Variants in AHNAK observed in about 807,000 individuals in gnomAD.
AHNAK encodes the protein AHNAK nucleoprotein.
AHNAK carries 23 observed loss-of-function variants against 37.8 expected under a neutral mutation model. That is an observed-to-expected ratio of 0.61 (90% CI 0.44 to 0.86). The LOEUF (loss-of-function observed/expected upper bound fraction) is 0.86, where lower values mean the gene tolerates loss of function less well. Among genes scored for constraint, AHNAK ranks in the 40% least tolerant of loss-of-function variants. The pLI, the probability that AHNAK is intolerant of heterozygous loss-of-function variation, is 0.00. For synonymous variants in AHNAK, 2,481 were observed against 2,636.3 expected (o/e 0.94, Z 1.80); for missense variants, 7,411 against 7,319.4 (o/e 1.01, Z -0.46).
intron 1 of AHNAK, among the ~76,000 whole-genome samples, chr11:62,544,706 G>T (rs934822020): frequency 2.0e-5 from 3 of 152,268 alleles, no homozygotes; most frequent in East Asian, 3.9e-4. Flanking sequence ...CTAAGGACTG[G>T]AGAAGGAAGC....
At chr11:62,541,763 A>G (rs1941131669) in intron 1 of AHNAK, 1 of 152,216 alleles carries the variant, frequency 6.6e-6, no homozygotes, top group Admixed American at 6.5e-5. Flanking sequence ...GGCCCAAGAG[A>G]TAAGATGACT....
Position 62,521,663 on chromosome 11 carries a change from T to A in AHNAK, c.12754A>T (p.Ile4252Phe). The A allele has an allele frequency of 6.2e-7, 1 of 1,613,976 alleles. No homozygotes were observed. ...GGCATGGAGATCTTGGGGGCTTTGA[T>A]GTTCATCTCAGGCATCTTGAATTTA... Reference protein sequence around the residue: ...GPKFKMPEMNIKAPKISMPDF... With the variant: ...GPKFKMPEMNFKAPKISMPDF... Residue 4252 changes from isoleucine to phenylalanine, a missense_variant, in exon 5 of 5, where the codon ATC becomes TTC. Ile to Phe is a conservative substitution (Grantham distance 21). Coordinates refer to ENST00000378024, the MANE Select transcript of AHNAK (RefSeq NM_001620.3).
intron 5 of AHNAK, among the ~76,000 whole-genome samples, chr11:62,479,037 G>C (rs753597495): frequency 6.6e-6 from 1 of 151,928 alleles, no homozygotes; most frequent in Non-Finnish European, 1.5e-5. Context: ...CACTGCGCTC[G>C]GCTAATTTCT....
At chr11:62,509,942 T>C (rs1939879007) in intron 4 of AHNAK, among the ~76,000 whole-genome samples, 1 of 152,008 alleles carries the variant, frequency 6.6e-6, no homozygotes, top group African/African-American at 2.4e-5. Flanking sequence ...AAGACATTAC[T>C]GTAAAGACAG....
chr11:62,440,849 CA>C (rs962048503), intron 5 of AHNAK, among the ~76,000 whole-genome samples: 1 of 152,156 alleles, frequency 6.6e-6, no homozygotes, highest in African/African-American at 2.4e-5. Context: ...ATGTGCCAGA[CA>C]CTATTTCTAA....
At position 62,531,056 on chromosome 11, in the gene AHNAK, C is replaced by A; in HGVS notation, c.3361G>T (p.Asp1121Tyr). 1.9e-6 allele frequency: 3 copies of A among 1,613,602 alleles called. No individual in the cohort carries two copies. The highest frequency in any genetic ancestry group is 2.5e-6 in the Non-Finnish European group (3 of 1,179,888). The change falls in exon 5 of 5, where the codon GAC becomes TAC. Residue 1121 changes from aspartate (D) to tyrosine (Y), a missense_variant. Transcript: ENST00000378024. ...KAPDVEGQGL[D>Y]WSLKIPKMKM... ...ATCTTGGGTATTTTCAGGCTCCAGTCCAGGCCTTGGCCTTCCACATCTGGT... is the reference window on the plus strand; with the variant it reads ...ATCTTGGGTATTTTCAGGCTCCAGTACAGGCCTTGGCCTTCCACATCTGGT...
At chr11:62,504,214 GAGAA>G (rs1449200791) in intron 4 of AHNAK, among the ~76,000 whole-genome samples, 3 of 151,764 alleles carry the variant, frequency 2.0e-5, no homozygotes, top group Non-Finnish European at 1.5e-5. Flanking sequence ...AAGAGAGAGA[GAGAA>G]AGAAAGAGAG....
rs1939687299 is a variant in AHNAK, at chr11:62,500,215, C to G, written c.343-8384G>C. 2.0e-5 allele frequency among the ~76,000 whole-genome samples: 3 copies of G among 152,200 alleles called. No homozygotes were observed. The South Asian group carries it at 6.2e-4, about 31-fold the overall frequency. Reference sequence around the variant, plus strand: ...TGTATTCCAGATCAATCTGCACTCACAAAACGAGGACCGTAGTAAACGCAA... The same window carrying G: ...TGTATTCCAGATCAATCTGCACTCAGAAAACGAGGACCGTAGTAAACGCAA... On this transcript the variant is annotated intron_variant, in intron 4 of 5. Transcript: ENST00000257247.
Position 62,532,910 on chromosome 11 carries a change from G to T in AHNAK, c.1507C>A (p.Gln503Lys). ...GACCCAAGGCTCAGATCCACATCCT[G>T]CATGGAGATTTTAGGTTTCTGAATA... ...MIIQKPKISM[Q>K]DVDLSLGSPK... is the part of the protein sequence containing the mutation. Residue 503 changes from glutamine (Q) to lysine (K), a missense_variant, in exon 5 of 5, where the codon CAG (glutamine) becomes AAG (lysine). Gln to Lys is a moderately conservative substitution (Grantham distance 53). Transcript: ENST00000378024. 1 of 1,614,012 alleles carries T rather than the reference G, an allele frequency of 6.2e-7. No individual in the cohort carries two copies. Among genetic ancestry groups the T allele is most frequent in the East Asian group, 2.2e-5 (1 of 44,886 alleles).
intron 4 of AHNAK, among the ~76,000 whole-genome samples, chr11:62,510,755 C>T (rs1939894369): frequency 6.7e-6 from 1 of 149,730 alleles, no homozygotes; most frequent in Non-Finnish European, 1.5e-5. Context: ...AACAAACAAA[C>T]AAAAAAACCA....
rs767063005 is a variant in AHNAK at position 62,523,871 on chromosome 11, CTGGGCCCTCAATGTTCATACT to C, written c.10525_10545del (p.Ser3509_Pro3515del). 9.3e-6 allele frequency: 15 copies of C among 1,614,000 alleles called. No individual in the cohort carries two copies. The African/African-American group carries it at 2.0e-4, about 22-fold the overall frequency. Reference sequence around the variant, plus strand: ...CCCTCCGGACCTTCCACATTGAGATCTGGGCCCTCAATGTTCATACTTGGGCCCTCTATGTTGATGTCTCCT... The same window carrying C: ...CCCTCCGGACCTTCCACATTGAGATCTGGGCCCTCTATGTTGATGTCTCCT... On this transcript the variant is annotated inframe_deletion, in exon 5 of 5. Coordinates refer to ENST00000378024, the MANE Select transcript of AHNAK (RefSeq NM_001620.3).
rs1191196970 is a variant in AHNAK at position 62,523,577 on chromosome 11, C to T, written c.10840G>A (p.Gly3614Ser). 6.2e-7 allele frequency: 1 copy of T among 1,613,980 alleles called. No homozygotes were observed. Among genetic ancestry groups the T allele is most frequent in the African/African-American group, 1.3e-5 (1 of 74,878 alleles). Residue 3614 changes from glycine to serine, a missense_variant, in exon 5 of 5, where the codon GGC becomes AGC. Transcript: ENST00000378024. ...KVKMPKFSMP[G>S]FKGEGPEVDV... ...ACTTCAGGGCCTTCTCCTTTGAAGC[C>T]AGGCATGCTGAACTTGGGCATTTTC...
intron 4 of AHNAK, among the ~76,000 whole-genome samples, chr11:62,506,569 C>G (rs975656500): frequency 6.6e-5 from 10 of 152,092 alleles, no homozygotes; most frequent in African/African-American, 2.4e-4. Context: ...GAGGCTCAGC[C>G]CCTCAGGGCC....
chr11:62,514,156 C>T (rs1426059049), downstream of AHNAK, among the ~76,000 whole-genome samples: 1 of 152,142 alleles, frequency 6.6e-6, no homozygotes, highest in Admixed American at 6.6e-5. Context: ...GACTTTCCAG[C>T]ATCCTAATGG....
At position 62,530,907 on chromosome 11, in the gene AHNAK, G is replaced by A. The variant is rs758468483; in HGVS notation, c.3510C>T (p.Ser1170=). The A allele has an allele frequency of 5.0e-6, 8 of 1,613,296 alleles. No individual in the cohort carries two copies. In the South Asian group the frequency reaches 8.8e-5, roughly 18 times the overall value. ...TCAGCTTCCCTTCTGGACCTTCGAG[G>A]CTCACATCTGGGGCTTCGATGTCCA... ...PKVDIEAPDV[S]LEGPEGKLKG... Residue 1170 remains serine (S), a synonymous_variant, in exon 5 of 5, where the codon AGC becomes AGT. Transcript: ENST00000378024.
At chr11:62,491,040 G>A (rs1022739490) in intron 5 of AHNAK, among the ~76,000 whole-genome samples, 7 of 152,150 alleles carry the variant, frequency 4.6e-5, no homozygotes, top group East Asian at 3.9e-4. Flanking sequence ...CGCCTGCCTC[G>A]GCCTCCCAAA....
At chr11:62,481,681 C>T (rs986304913) in intron 5 of AHNAK, among the ~76,000 whole-genome samples, 2 of 152,076 alleles carry the variant, frequency 1.3e-5, no homozygotes, top group Admixed American at 6.5e-5. Context: ...GGGTTTATGC[C>T]ATTCTCCTGC....
intron 5 of AHNAK, among the ~76,000 whole-genome samples, chr11:62,468,955 C>T (rs1938974436): frequency 6.6e-6 from 1 of 152,230 alleles, no homozygotes; most frequent in African/African-American, 2.4e-5. Context: ...GAATAAGACA[C>T]TGCATGATTC....
intron 5 of AHNAK, among the ~76,000 whole-genome samples, chr11:62,487,051 T>C (rs1441920740): frequency 6.6e-6 from 1 of 151,928 alleles, no homozygotes; most frequent in East Asian, 1.9e-4. Context: ...AGAAGCAAAA[T>C]GAGCTAAGGG....
Sources: gnomAD v4.1 joint callset for allele counts (sites outside exome capture counted in the v4.1 genomes callset) on GRCh38, gnomAD v4.1.1 for gene constraint, MANE v1.5 for transcripts, NCBI Gene and HGNC (gene_info 2026-07-23, HGNC 2026-07-21) for gene names.